The following ULK4 variants were observed in gnomAD, a reference collection of about 807,000 sequenced individuals.
The protein encoded by ULK4 is unc-51 like kinase 4, also known as inactive serine/threonine-protein kinase ULK4.
ULK4 carries 133 observed loss-of-function variants against 160.6 expected under a neutral mutation model. The observed-to-expected ratio is 0.83, with a 90% CI of 0.72 to 0.96. The LOEUF is 0.96. Ranked by LOEUF, ULK4 falls within the 40% of genes least tolerant of loss-of-function variation. The probability of loss-of-function intolerance (pLI) is 0.00; values close to 1 mark genes in which losing one functional copy is unlikely to be tolerated. For missense variants in ULK4, 1,580 were observed against 1,499.5 expected, an observed-to-expected ratio of 1.05 and a Z score of -0.89; for synonymous variants, 534 against 539.8, an observed-to-expected ratio of 0.99 and a Z score of 0.15.
intron 21 of ULK4, among the ~76,000 whole-genome samples, chr3:41,768,864 G>A (rs2039256796): frequency 6.6e-6 from 1 of 152,132 alleles, no homozygotes; most frequent in Non-Finnish European, 1.5e-5. Context: ...GTGACCAATA[G>A]TAAGTGACAG....
intron 35 of ULK4, among the ~76,000 whole-genome samples, chr3:41,294,085 T>C (rs1019381430): frequency 6.6e-6 from 1 of 152,112 alleles, no homozygotes; most frequent in East Asian, 1.9e-4. Context: ...TCTGAGTGTG[T>C]CCCCCAAAAT....
chr3:41,857,256 T>C (rs958303041), intron 17 of ULK4, among the ~76,000 whole-genome samples: 8 of 152,198 alleles, frequency 5.3e-5, no homozygotes, highest in African/African-American at 1.9e-4. Context: ...TGACACTTCA[T>C]ATCTCCTCCT....
intron 17 of ULK4, among the ~76,000 whole-genome samples, chr3:41,864,082 C>T (rs2042564273): frequency 6.6e-6 from 1 of 152,124 alleles, no homozygotes. Context: ...AAGAGTGCTG[C>T]AGCGCTCAGT....
chr3:41,951,912 C>T (rs753590900), intron 2 of ULK4, among the ~76,000 whole-genome samples: 1 of 152,188 alleles, frequency 6.6e-6, no homozygotes, highest in Non-Finnish European at 1.5e-5. Context: ...ACCAAAACTG[C>T]TGGCACCTTA....
chr3:41,634,949 T>A (rs1289459708), intron 30 of ULK4, among the ~76,000 whole-genome samples: 1 of 152,182 alleles, frequency 6.6e-6, no homozygotes, highest in East Asian at 1.9e-4. Context: ...TCTCAGGGCA[T>A]ATCAACACTT....
intron 34 of ULK4, among the ~76,000 whole-genome samples, chr3:41,430,650 T>C (rs1176067991): frequency 1.3e-5 from 2 of 152,222 alleles, no homozygotes; most frequent in African/African-American, 2.4e-5. Flanking sequence ...GAGATAGATG[T>C]TTATTAGATC....
At chr3:41,772,190 C>T (rs2039410512) in intron 21 of ULK4, among the ~76,000 whole-genome samples, 1 of 152,080 alleles carries the variant, frequency 6.6e-6, no homozygotes, top group Non-Finnish European at 1.5e-5. Flanking sequence ...CATTCAAAAG[C>T]TAGCAGAAAG....
chr3:41,527,874 T>G (rs1224476449), intron 32 of ULK4, among the ~76,000 whole-genome samples: 1 of 152,208 alleles, frequency 6.6e-6, no homozygotes, highest in African/African-American at 2.4e-5. Context: ...TGTGATATAG[T>G]TAGAACAGAA....
intron 18 of ULK4, among the ~76,000 whole-genome samples, chr3:41,831,211 A>C (rs1165185514): frequency 6.6e-6 from 1 of 151,818 alleles, no homozygotes; most frequent in Non-Finnish European, 1.5e-5. Flanking sequence ...CAAGTTTTTT[A>C]GACGAGGTTT....
At chr3:41,260,801 C>T (rs1455038036) in intron 35 of ULK4, among the ~76,000 whole-genome samples, 1 of 152,250 alleles carries the variant, frequency 6.6e-6, no homozygotes, top group African/African-American at 2.4e-5. Context: ...TTGCACTAAA[C>T]ACCTGGAACA....
intron 34 of ULK4, among the ~76,000 whole-genome samples, chr3:41,421,149 TA>T (rs2082656486): frequency 6.6e-6 from 1 of 151,134 alleles, no homozygotes; most frequent in African/African-American, 2.4e-5. Context: ...AAAGAAAAGC[TA>T]TTAATTTCTG....
chr3:41,511,193 G>C (rs1005597413), intron 32 of ULK4, among the ~76,000 whole-genome samples: 1 of 146,162 alleles, frequency 6.8e-6, no homozygotes, highest in Non-Finnish European at 1.5e-5. Context: ...AAGTCTGAAA[G>C]AGCACAAACA....
intron 22 of ULK4, among the ~76,000 whole-genome samples, chr3:41,723,402 G>C (rs761715510): frequency 1.3e-5 from 2 of 151,666 alleles, no homozygotes; most frequent in Non-Finnish European, 2.9e-5. Context: ...CTTCCTTCTT[G>C]TTTCTCCTCC....
chr3:41,464,361 A>G (rs1196724612), intron 32 of ULK4, among the ~76,000 whole-genome samples: 1 of 152,228 alleles, frequency 6.6e-6, no homozygotes, highest in African/African-American at 2.4e-5. Context: ...GTGGCCAAAA[A>G]AAGGCATAAG....
rs184053308 is a variant in ULK4, at chr3:41,640,111, G to A, written c.3071+23496C>T. ...GTTAACATAATCATCATCTTCTCAT[G>A]GGCAATGGCGTCCTTATCCTAGCAA... On this transcript the variant is annotated intron_variant, in intron 30 of 36. Transcript: ENST00000301831. Among the ~76,000 whole-genome samples the A allele has an allele frequency of 3.1e-3, 465 of 152,226 alleles. 2 individuals are homozygous for A. Among genetic ancestry groups the A allele is most frequent in the Non-Finnish European group, 2.9e-3 (197 of 68,014 alleles).
intron 30 of ULK4, among the ~76,000 whole-genome samples, chr3:41,646,448 A>G (rs1339016304): frequency 6.6e-6 from 1 of 152,184 alleles, no homozygotes; most frequent in Non-Finnish European, 1.5e-5. Context: ...TCCTTCACTT[A>G]TGAAGCTTAG....
intron 32 of ULK4, among the ~76,000 whole-genome samples, chr3:41,504,026 TAGAA>T (rs1004437601): frequency 2.0e-5 from 3 of 152,142 alleles, no homozygotes; most frequent in Non-Finnish European, 4.4e-5. Flanking sequence ...AATCTCCCCA[TAGAA>T]AGAGAGAAAT....
At chr3:41,663,227 AAAAAG>A (rs952563855) in intron 30 of ULK4, among the ~76,000 whole-genome samples, 1 of 152,158 alleles carries the variant, frequency 6.6e-6, no homozygotes, top group Non-Finnish European at 1.5e-5. Flanking sequence ...TCTCAAAAAA[AAAAAG>A]AAAAGTATGT....
At chr3:41,570,033 C>A (rs992452578) in intron 31 of ULK4, among the ~76,000 whole-genome samples, 64 of 152,176 alleles carry the variant, frequency 4.2e-4, no homozygotes, top group African/African-American at 1.4e-3. Context: ...GCCTGCGTAT[C>A]AGAGTGAGAA....
Sources: allele counts gnomAD v4.1 joint callset (sites outside exome capture counted in the v4.1 genomes callset), GRCh38; gene constraint gnomAD v4.1.1; transcripts MANE v1.5; gene names NCBI Gene and HGNC (gene_info 2026-07-23, HGNC 2026-07-21).